The following ARHGAP15 variants were observed in gnomAD, a reference collection of about 807,000 sequenced individuals.
ARHGAP15 encodes the protein Rho GTPase activating protein 15.
A neutral mutation model predicts 63.7 loss-of-function variants in ARHGAP15; 51 were observed. The ratio of observed to expected loss-of-function variants is 0.80; its 90% confidence interval spans 0.64 to 1.01. ARHGAP15 has a LOEUF of 1.01. ARHGAP15 is among the 50% of genes least tolerant of loss of function. The probability of loss-of-function intolerance (pLI) is 0.00; values close to 1 mark genes in which losing one functional copy is unlikely to be tolerated. For synonymous variants in ARHGAP15, 191 were observed against 193.8 expected (o/e 0.99, Z 0.12); for missense variants, 560 against 564.6 (o/e 0.99, Z 0.08).
intron 2 of ARHGAP15, among the ~76,000 whole-genome samples, chr2:143,165,885 A>T (rs1416759477): frequency 6.6e-6 from 1 of 151,674 alleles, no homozygotes; most frequent in African/African-American, 2.4e-5. Flanking sequence ...AGAAATTTAC[A>T]TTCCTGGATG....
At chr2:143,651,275 C>A (rs763310918) in intron 12 of ARHGAP15, among the ~76,000 whole-genome samples, 1 of 151,910 alleles carries the variant, frequency 6.6e-6, no homozygotes, top group Non-Finnish European at 1.5e-5. Context: ...TGTTTCCCCA[C>A]GCCCTTTCAT....
chr2:143,570,185 A>T (rs1046608159), intron 11 of ARHGAP15, among the ~76,000 whole-genome samples: 1 of 152,208 alleles, frequency 6.6e-6, no homozygotes, highest in East Asian at 1.9e-4. Context: ...AATATAATGA[A>T]GTATAACATT....
chr2:143,692,954 T>C (rs1353382976), intron 12 of ARHGAP15, among the ~76,000 whole-genome samples: 1 of 152,156 alleles, frequency 6.6e-6, no homozygotes, highest in East Asian at 1.9e-4. Context: ...AATGGAGTCA[T>C]TTGAGAAAAA....
At chr2:143,343,323 G>A (rs986540120) in intron 6 of ARHGAP15, among the ~76,000 whole-genome samples, 12 of 152,028 alleles carry the variant, frequency 7.9e-5, no homozygotes, top group African/African-American at 2.9e-4. Context: ...ACGGCAGTCA[G>A]TTCTGGGATA....
intron 13 of ARHGAP15, among the ~76,000 whole-genome samples, chr2:143,754,182 G>A (rs1261360895): frequency 2.6e-5 from 4 of 152,108 alleles, no homozygotes; most frequent in Non-Finnish European, 5.9e-5. Context: ...TTGGTGGAGG[G>A]GCAGAAAGGA....
intron 12 of ARHGAP15, among the ~76,000 whole-genome samples, chr2:143,675,768 A>G (rs1682795046): frequency 6.6e-6 from 1 of 152,102 alleles, no homozygotes; most frequent in Non-Finnish European, 1.5e-5. Context: ...GATTTAACAT[A>G]ATTTGGAAGG....
intron 6 of ARHGAP15, among the ~76,000 whole-genome samples, chr2:143,387,523 A>G (rs1332790506): frequency 2.0e-5 from 3 of 152,220 alleles, no homozygotes; most frequent in Admixed American, 6.5e-5. Flanking sequence ...TTCAATTATT[A>G]GTCAACAGAT....
intron 13 of ARHGAP15, among the ~76,000 whole-genome samples, chr2:143,744,737 G>A (rs988367332): frequency 6.6e-6 from 1 of 152,052 alleles, no homozygotes; most frequent in African/African-American, 2.4e-5. Context: ...TTTAATCATT[G>A]AGAGACTATT....
intron 12 of ARHGAP15, among the ~76,000 whole-genome samples, chr2:143,646,368 CCACTTATTAGCAGGGCCTGT>C (rs1264346039): frequency 2.6e-5 from 4 of 152,024 alleles, no homozygotes; most frequent in African/African-American, 9.7e-5. Context: ...TTCCTAGAAG[CCACTTATTAGCAGGGCCTGT>C]CTCAGTTGGA....
chr2:143,638,563 A>G (rs1680445622), intron 12 of ARHGAP15, among the ~76,000 whole-genome samples: 1 of 149,690 alleles, frequency 6.7e-6, no homozygotes, highest in Non-Finnish European at 1.5e-5. Context: ...ATGACGAGTT[A>G]GTGGGTGCAG....
At chr2:143,673,784 A>ATGTAT (rs71404481) in intron 12 of ARHGAP15, among the ~76,000 whole-genome samples, 3 of 114,178 alleles carry the variant, frequency 2.6e-5, no homozygotes, top group African/African-American at 8.6e-5. Flanking sequence ...ATATATATAT[A>ATGTAT]AACAACTCCT....
chr2:143,621,633 C>A (rs1329807187), intron 11 of ARHGAP15, among the ~76,000 whole-genome samples: 1 of 152,142 alleles, frequency 6.6e-6, no homozygotes. Flanking sequence ...ATTATTATTT[C>A]TTTAAATGGA....
intron 9 of ARHGAP15, among the ~76,000 whole-genome samples, chr2:143,510,182 G>T (rs904526661): frequency 6.6e-6 from 1 of 152,058 alleles, no homozygotes; most frequent in Non-Finnish European, 1.5e-5. Flanking sequence ...CCCATGTTTG[G>T]AATACGATTT....
At chr2:143,518,130 A>G (rs924327164) in intron 9 of ARHGAP15, among the ~76,000 whole-genome samples, 28 of 152,202 alleles carry the variant, frequency 1.8e-4, no homozygotes, top group Non-Finnish European at 2.9e-5. Flanking sequence ...AATGTACTTA[A>G]TGCCACCGAG....
chr2:143,304,546 A>C (rs1273655831), intron 6 of ARHGAP15, among the ~76,000 whole-genome samples: 1 of 152,148 alleles, frequency 6.6e-6, no homozygotes, highest in Non-Finnish European at 1.5e-5. Flanking sequence ...TGCCACATGT[A>C]TACATATGGA....
At chr2:143,720,276 C>T (rs1574887440) in intron 13 of ARHGAP15, among the ~76,000 whole-genome samples, 1 of 152,146 alleles carries the variant, frequency 6.6e-6, no homozygotes, top group African/African-American at 2.4e-5. Flanking sequence ...AATACTTTAC[C>T]TAATTGAAAC....
chr2:143,672,815 T>G (rs1040957146), intron 12 of ARHGAP15, among the ~76,000 whole-genome samples: 3 of 152,200 alleles, frequency 2.0e-5, no homozygotes, highest in Non-Finnish European at 4.4e-5. Context: ...AACTATAGTT[T>G]GAATAAGCAA....
At chr2:143,478,010 A>G (rs894593105) in intron 8 of ARHGAP15, among the ~76,000 whole-genome samples, 1 of 152,182 alleles carries the variant, frequency 6.6e-6, no homozygotes, top group African/African-American at 2.4e-5. Flanking sequence ...CAGGGGTAAA[A>G]CTGAAAGACA....
chr2:143,208,438 T>C (rs189174767), intron 3 of ARHGAP15, among the ~76,000 whole-genome samples: 27 of 152,300 alleles, frequency 1.8e-4, no homozygotes, highest in Middle Eastern at 3.4e-3. Context: ...GTAAACAGCA[T>C]GGTTAAACAG....
Sources: gnomAD v4.1 joint callset for allele counts (sites outside exome capture counted in the v4.1 genomes callset) on GRCh38, gnomAD v4.1.1 for gene constraint, MANE v1.5 for transcripts, NCBI Gene and HGNC (gene_info 2026-07-23, HGNC 2026-07-21) for gene names.